The following TPTE2 variants were observed in gnomAD, a reference collection of about 807,000 sequenced individuals.
TPTE2 encodes the protein transmembrane phosphoinositide 3-phosphatase and tensin homolog 2, also known as phosphatidylinositol 3,4,5-trisphosphate 3-phosphatase TPTE2.
TPTE2 carries 53 observed loss-of-function variants against 78.6 expected under a neutral mutation model. The ratio of observed to expected loss-of-function variants is 0.67; its 90% CI spans 0.54 to 0.85. TPTE2 has a LOEUF of 0.85. Ranked by LOEUF, TPTE2 falls within the 40% of genes least tolerant of loss-of-function variation. The probability of loss-of-function intolerance (pLI) is 0.00; values close to 1 mark genes in which losing one functional copy is unlikely to be tolerated. For missense variants in TPTE2, 461 were observed against 623.0 expected (o/e 0.74, Z 2.77); for synonymous variants, 175 against 206.2 (o/e 0.85, Z 1.30).
chr13:19,537,982 T>A (rs1374455785), upstream of TPTE2, among the ~76,000 whole-genome samples: 1 of 152,228 alleles, frequency 6.6e-6, no homozygotes, highest in African/African-American at 2.4e-5. Flanking sequence ...AGTAGATTCA[T>A]AAATGGTACT....
At chr13:19,443,527 G>A (rs554271354) in intron 13 of TPTE2, among the ~76,000 whole-genome samples, 58 of 151,528 alleles carry the variant, frequency 3.8e-4, no homozygotes, top group African/African-American at 9.9e-4. Context: ...TGCCTCAGCC[G>A]GAGTAGCTGG....
chr13:19,551,038 G>A, the TPTE2 span, among the ~76,000 whole-genome samples: 1 of 152,082 alleles, frequency 6.6e-6, no homozygotes, highest in African/African-American at 2.4e-5. Flanking sequence ...ATCCAAACAT[G>A]TTGTAAGAGT....
chr13:19,492,646 A>G (rs78752014), intron 3 of TPTE2, among the ~76,000 whole-genome samples: 2 of 151,958 alleles, frequency 1.3e-5, no homozygotes, highest in Non-Finnish European at 2.9e-5. Context: ...TATGGCCATG[A>G]AGGCTCCTGA....
intron 2 of TPTE2, 48 bp from the exon 6 acceptor site, chr13:19,492,951 A>G (rs1881086918): frequency 6.2e-7 from 1 of 1,609,326 alleles, no homozygotes; most frequent in South Asian, 1.1e-5. Context: ...ACGATTCTAA[A>G]TTTACTTTTT....
chr13:19,513,234 A>G (rs188675585), intron 1 of TPTE2, among the ~76,000 whole-genome samples: 267 of 152,330 alleles, frequency 1.8e-3, no homozygotes, highest in African/African-American at 6.2e-3. Context: ...ATCAAATGCA[A>G]AAATATATTA....
intron 13 of TPTE2, 162 bp from the exon 17 acceptor site, chr13:19,438,315 C>A (rs1877258745): frequency 1.0e-6 from 1 of 985,348 alleles, no homozygotes; most frequent in African/African-American, 1.7e-5. Flanking sequence ...TGGCTCATTG[C>A]AACCTCCGCC....
chr13:19,500,795 G>C, intron 1 of TPTE2, among the ~76,000 whole-genome samples: 1 of 148,022 alleles, frequency 6.8e-6, no homozygotes, highest in African/African-American at 2.5e-5. Context: ...TGGAAGTTCT[G>C]GCCAGGGCAA....
intron 3 of TPTE2, among the ~76,000 whole-genome samples, 179 bp from the exon 7 acceptor site, chr13:19,482,726 C>T (rs1445996974): frequency 6.6e-6 from 1 of 151,954 alleles, no homozygotes; most frequent in Non-Finnish European, 1.5e-5. Context: ...TAACCAGAAA[C>T]TCTTTCCTCA....
chr13:19,451,389 C>A (rs550392991), intron 10 of TPTE2, among the ~76,000 whole-genome samples, 164 bp from the exon 14 acceptor site: 6 of 152,312 alleles, frequency 3.9e-5, no homozygotes, highest in Non-Finnish European at 2.9e-5. Context: ...AAGTTCTAAT[C>A]CACTGTGATT....
intron 17 of TPTE2, among the ~76,000 whole-genome samples, chr13:19,427,627 G>A (rs1453688349): frequency 6.6e-6 from 1 of 152,094 alleles, no homozygotes; most frequent in Non-Finnish European, 1.5e-5. Context: ...TAACACTTGG[G>A]GGTTGGGCCT....
intron 4 of TPTE2, among the ~76,000 whole-genome samples, chr13:19,476,274 A>T (rs1195215811): frequency 6.6e-6 from 1 of 151,922 alleles, no homozygotes; most frequent in Non-Finnish European, 1.5e-5. Context: ...GCCTCATTTT[A>T]CCTTATGGCT....
chr13:19,489,201 A>G (rs1880833768), intron 3 of TPTE2, among the ~76,000 whole-genome samples: 1 of 152,188 alleles, frequency 6.6e-6, no homozygotes, highest in African/African-American at 2.4e-5. Context: ...AGATCAGCAT[A>G]ACAGATATGA....
intron 6 of TPTE2, among the ~76,000 whole-genome samples, chr13:19,469,569 T>C (rs1879483277): frequency 1.3e-5 from 2 of 152,188 alleles, no homozygotes; most frequent in Non-Finnish European, 2.9e-5. Flanking sequence ...AGAATGTCAT[T>C]CATATTTTGA....
chr13:19,465,483 T>C (rs1220345521), exon 8 of TPTE2: 1 of 1,609,584 alleles, frequency 6.2e-7, no homozygotes, highest in Admixed American at 1.7e-5. Context: ...TCATCAGCTT[T>C]TCAAGTTGTC....
rs1372266717 is a variant in TPTE2, at chr13:19,486,803, T to C, written c.120-4256A>G. Among the ~76,000 whole-genome samples the C allele has an allele frequency of 6.6e-6, 1 of 152,116 alleles. No individual in the cohort carries two copies. Among genetic ancestry groups the C allele is most frequent in the African/African-American group, 2.4e-5 (1 of 41,422 alleles). On this transcript the variant is annotated intron_variant, in intron 3 of 19. Transcript: ENST00000400230. This position sits in a 1 kb window ranked among gnomAD's most constrained non-coding sequence, Gnocchi z 4.3. ...AATGACTTCTCAGCTGTCCTGGATG[T>C]GTTTCTGCTGGGGGTAGTCCATAGA... is the stretch of plus-strand genomic sequence containing the variant.
intron 19 of TPTE2, 21 bp downstream of exon 22, chr13:19,424,926 G>A (rs778336145): frequency 2.2e-6 from 3 of 1,377,798 alleles, no homozygotes; most frequent in Non-Finnish European, 3.0e-6. Flanking sequence ...CTGTTTCTAT[G>A]GGTTTCTATT....
chr13:19,460,909 G>A (rs1172532431), intron 10 of TPTE2, among the ~76,000 whole-genome samples: 1 of 152,076 alleles, frequency 6.6e-6, no homozygotes, highest in African/African-American at 2.4e-5. Context: ...TATAATTTAG[G>A]ATCTCAACCT....
At chr13:19,561,546 T>C in the TPTE2 span, among the ~76,000 whole-genome samples, 2 of 152,274 alleles carry the variant, frequency 1.3e-5, no homozygotes, top group Admixed American at 6.5e-5. Context: ...GAGGAAGTTC[T>C]TCCCGGCCGT....
chr13:19,533,971 G>A (rs1288596357), intron 1 of TPTE2, among the ~76,000 whole-genome samples: 1 of 152,180 alleles, frequency 6.6e-6, no homozygotes, highest in South Asian at 2.1e-4. Flanking sequence ...AGCAAGACAG[G>A]AACATTAAAT....
Sources: gnomAD v4.1 joint callset for allele counts (sites outside exome capture counted in the v4.1 genomes callset) on GRCh38, gnomAD v4.1.1 for gene constraint, Gnocchi (gnomAD v3.1) non-coding constraint, MANE v1.5 for transcripts, NCBI Gene and HGNC (gene_info 2026-07-23, HGNC 2026-07-21) for gene names.